Variants in FUS observed in about 807,000 individuals in gnomAD.
The protein encoded by FUS is RNA-binding protein FUS.
A neutral mutation model predicts 82.7 loss-of-function variants in FUS; 5 were observed. The observed-to-expected ratio is 0.06, with a 90% confidence interval of 0.03 to 0.13. The LOEUF (loss-of-function observed/expected upper bound fraction) is 0.13. Among genes scored for constraint, FUS ranks in the 10% least tolerant of loss-of-function variants. The pLI is 1.00. For missense variants in FUS, 512 were observed against 707.8 expected, an observed-to-expected ratio of 0.72 and a Z score of 3.14; for synonymous variants, 281 against 247.4, an observed-to-expected ratio of 1.14 and a Z score of -1.27.
downstream of FUS, chr16:31,193,182 T>C (rs1463508337): frequency 1.2e-5 from 6 of 490,094 alleles, no homozygotes; most frequent in South Asian, 9.3e-5. Context: ...CCTCAGGTGA[T>C]GTGCACACCT....
Position 31,191,125 on chromosome 16 carries a change from CAG to C in FUS, c.1541+17_1541+18del. ...ATGGATTCCAGGTAAGACTTTAAATCAGAATAAAAAAGTAGAGCAGTTGAACA... is the reference window on the plus strand; with the variant it reads ...ATGGATTCCAGGTAAGACTTTAAATCAATAAAAAAGTAGAGCAGTTGAACA... On this transcript the variant is annotated intron_variant, in intron 14 of 14. Coordinates refer to ENST00000254108, the MANE Select transcript of FUS (RefSeq NM_004960.4). 1.2e-6 allele frequency: 2 copies of C among 1,611,776 alleles called. No homozygotes were observed. The highest frequency in any genetic ancestry group is 8.5e-7 in the Non-Finnish European group (1 of 1,179,712).
At chr16:31,192,416 G>T, downstream of FUS, 1 of 522,974 alleles carries the variant, frequency 1.9e-6, no homozygotes, top group South Asian at 1.5e-5. Flanking sequence ...TTTTATTTTA[G>T]TTACACAGAG....
downstream of FUS, chr16:31,193,525 G>A (rs1469572631): frequency 5.7e-6 from 3 of 529,618 alleles, no homozygotes; most frequent in Admixed American, 6.7e-5. Flanking sequence ...GTTAGGAGTG[G>A]AGGAGGTCGA....
At position 31,191,482 on chromosome 16, in the gene FUS, C is replaced by G; in HGVS notation, c.*44C>G. 1 of 1,593,202 alleles carries G rather than the reference C, an allele frequency of 6.3e-7. No homozygotes were observed. The highest frequency in any genetic ancestry group is 1.3e-5 in the African/African-American group (1 of 74,302). On this transcript the variant is annotated 3_prime_UTR_variant, in exon 15 of 15. Transcript: ENST00000254108. ...TTCTGGAACAGCTTTTTGTCCTGTACCCAGTGTTACCCTCGTTATTTTGTA... is the reference window on the plus strand; with the variant it reads ...TTCTGGAACAGCTTTTTGTCCTGTAGCCAGTGTTACCCTCGTTATTTTGTA...
chr16:31,185,447 C>A (rs1048122102), intron 6 of FUS: 2 of 662,490 alleles, frequency 3.0e-6, no homozygotes, highest in Middle Eastern at 2.4e-4. Flanking sequence ...TACATAGATA[C>A]GTATGGATTG....
downstream of FUS, chr16:31,193,492 T>TTGTG: frequency 1.9e-6 from 1 of 528,960 alleles, no homozygotes; most frequent in Non-Finnish European, 3.7e-6. Flanking sequence ...CTTGCTTTGG[T>TTGTG]TGTGGTCCCC....
chr16:31,192,152 T>C, downstream of FUS: 1 of 529,206 alleles, frequency 1.9e-6, no homozygotes, highest in Non-Finnish European at 3.7e-6. Flanking sequence ...ATACCTGCTA[T>C]AAGGAGACTG....
In FUS at chr16:31,185,157, C is replaced by T. The variant is rs1485031063; in HGVS notation, c.742C>T (p.Arg248Cys). The T allele has an allele frequency of 6.2e-7, 1 of 1,609,986 alleles. No individual in the cohort carries two copies. The highest frequency in any genetic ancestry group is 1.7e-5 in the Admixed American group (1 of 59,478). ...GYEPRGRGGG[R>C]GGRGGMGGSD... ...TGAACCCAGAGGTCGTGGAGGTGGC[C>T]GTGGAGGCAGAGGTGGCATGGGGTA... Residue 248 changes from arginine to cysteine, a missense_variant, in exon 6 of 15, where the codon CGT (arginine) becomes TGT (cysteine). Arg to Cys is a radical substitution (Grantham distance 180, BLOSUM62 -3). Transcript: ENST00000254108.
chr16:31,189,564 C>T (rs2079321331), intron 9 of FUS, 101 bp from the exon 10 acceptor site: 1 of 1,522,156 alleles, frequency 6.6e-7, no homozygotes, highest in Non-Finnish European at 9.1e-7. Context: ...AAGAGGGGAG[C>T]TGAAGTTTGG....
intron 1 of FUS, among the ~76,000 whole-genome samples, chr16:31,180,484 C>T (rs1225880417): frequency 6.6e-6 from 1 of 152,158 alleles, no homozygotes; most frequent in African/African-American, 2.4e-5. Context: ...AGGGACGCTT[C>T]TTAGGGGTTT....
chr16:31,185,708 C>T, intron 6 of FUS: 1 of 413,564 alleles, frequency 2.4e-6, no homozygotes, highest in African/African-American at 2.0e-5. Flanking sequence ...TTGTGTGTGA[C>T]TTGGTTTATG....
chr16:31,194,628 C>T, downstream of FUS: 2 of 490,626 alleles, frequency 4.1e-6, no homozygotes. Flanking sequence ...TTTTAATTAA[C>T]TTGTATATAT....
At chr16:31,193,176 A>G (rs1813961286), downstream of FUS, 3 of 489,348 alleles carry the variant, frequency 6.1e-6, no homozygotes, top group East Asian at 9.5e-5. Flanking sequence ...TCCCGACCTC[A>G]GGTGATGTGC....
At chr16:31,186,393 G>A (rs1267418980) in intron 6 of FUS, 1 of 350,304 alleles carries the variant, frequency 2.9e-6, no homozygotes, top group Non-Finnish European at 5.3e-6. Flanking sequence ...CCACAAAAAT[G>A]TGTTCAAGGC....
At chr16:31,187,581 A>G (rs1473423991) in intron 7 of FUS, 1 of 230,636 alleles carries the variant, frequency 4.3e-6, no homozygotes, top group Non-Finnish European at 8.6e-6. Context: ...TTGGTTAACA[A>G]AAGGTTTCTT....
chr16:31,191,295 G>A, intron 14 of FUS, 104 bp from the exon 15 acceptor site: 1 of 1,516,850 alleles, frequency 6.6e-7, no homozygotes, highest in East Asian at 2.3e-5. Flanking sequence ...CTTGAGATAA[G>A]ATACTCGCTG....
chr16:31,192,464 A>G (rs189491337), downstream of FUS: 184 of 519,186 alleles, frequency 3.5e-4, no homozygotes, highest in African/African-American at 3.0e-3. Flanking sequence ...TTTTATTTAC[A>G]GGGTTTTCGA....
downstream of FUS, chr16:31,193,134 G>T (rs750362649): frequency 3.3e-4 from 158 of 484,662 alleles, 1 homozygote; most frequent in South Asian, 1.6e-3. Context: ...TAGAGACGGG[G>T]TTTCTCCATG....
chr16:31,185,113 A>G lies in FUS; in HGVS notation c.698A>G (p.Asn233Ser), dbSNP rs2079247731. The change falls in exon 6 of 15, where the codon AAC (asparagine) becomes AGC (serine). Residue 233 changes from asparagine to serine, a missense_variant. By Grantham distance (46) the Asn-to-Ser change is conservative. This residue lies in a region of FUS where 276 missense variants were observed against 303.3 expected (regional missense o/e 0.91). Transcript: ENST00000254108. ...GGCGGCGGCGGCGGTGGTGGTTACAACCGCAGCAGTGGTGGCTATGAACCC... is the reference window on the plus strand; with the variant it reads ...GGCGGCGGCGGCGGTGGTGGTTACAGCCGCAGCAGTGGTGGCTATGAACCC... Reference protein sequence around the residue: ...GGGGGGGGGYNRSSGGYEPRG... With the variant: ...GGGGGGGGGYSRSSGGYEPRG... The G allele has an allele frequency of 1.2e-6, 2 of 1,609,116 alleles. 1 individual carries two copies. The highest frequency in any genetic ancestry group is 2.2e-5 in the South Asian group (2 of 90,652).
Sources: allele counts gnomAD v4.1 joint callset (sites outside exome capture counted in the v4.1 genomes callset), GRCh38; gene constraint gnomAD v4.1.1; regional missense constraint gnomAD v4.1.1; transcripts MANE v1.5; gene names NCBI Gene and HGNC (gene_info 2026-07-23, HGNC 2026-07-21).